Variants in SCN8A observed in about 807,000 individuals in gnomAD.
The protein encoded by SCN8A is sodium channel protein type 8 subunit alpha.
In SCN8A, 30 loss-of-function variants were observed where a neutral mutation model predicts 184.1. The ratio of observed to expected loss-of-function variants is 0.16; its 90% CI spans 0.12 to 0.22. The LOEUF is 0.22. Ranked by LOEUF, SCN8A falls within the 10% of genes least tolerant of loss-of-function variation. SCN8A has a pLI of 1.00. For synonymous variants in SCN8A, 852 were observed against 907.0 expected, an observed-to-expected ratio of 0.94 and a Z score of 1.09; for missense variants, 1,057 against 2,498.9, an observed-to-expected ratio of 0.42 and a Z score of 12.30.
intron 13 of SCN8A, among the ~76,000 whole-genome samples, chr12:51,747,018 TG>T (rs1942521160): frequency 6.6e-6 from 1 of 151,816 alleles, no homozygotes; most frequent in South Asian, 2.1e-4. Flanking sequence ...AAACTCAAAA[TG>T]GTCCCAGTAT....
chr12:51,650,950 A>C (rs1160360956), intron 1 of SCN8A, among the ~76,000 whole-genome samples: 2 of 152,234 alleles, frequency 1.3e-5, no homozygotes, highest in East Asian at 3.8e-4. Flanking sequence ...ATAGATATTA[A>C]ATTAACTAAA....
intron 1 of SCN8A, among the ~76,000 whole-genome samples, chr12:51,651,442 A>T (rs546631138): frequency 6.6e-6 from 1 of 152,170 alleles, no homozygotes; most frequent in East Asian, 1.9e-4. Context: ...TAACCTCGTG[A>T]TCCATCCACC....
At chr12:51,804,720 C>T (rs1249704435) in intron 26 of SCN8A, among the ~76,000 whole-genome samples, 1 of 152,176 alleles carries the variant, frequency 6.6e-6, no homozygotes, top group Non-Finnish European at 1.5e-5. Flanking sequence ...AAGTGATCTG[C>T]CCACTTCAGC....
chr12:51,680,009 A>G (rs1941301964), intron 2 of SCN8A, among the ~76,000 whole-genome samples: 1 of 152,016 alleles, frequency 6.6e-6, no homozygotes, highest in Non-Finnish European at 1.5e-5. Flanking sequence ...TAGGTGGACT[A>G]TCTTGCTTTT....
chr12:51,739,269 A>G (rs1426532621), intron 12 of SCN8A, among the ~76,000 whole-genome samples: 4 of 152,256 alleles, frequency 2.6e-5, no homozygotes, highest in African/African-American at 7.2e-5. Flanking sequence ...GGAACCGCCA[A>G]ACCTCTAAAT....
Position 51,811,295 on chromosome 12 carries a change from A to C in SCN8A, c.*3866A>C, listed in dbSNP as rs1312227315. On this transcript the variant is annotated 3_prime_UTR_variant, in exon 27 of 27. Coordinates refer to ENST00000627620, the MANE Select transcript of SCN8A (RefSeq NM_001330260.2). ...GAAAAGCAAGGTCCTGACCCCCCCC[A>C]GATCCCCACTCACCCATTGCATGTG... 6.6e-6 allele frequency: 1 copy of C among 151,732 alleles called. No individual in the cohort carries two copies. The highest frequency in any genetic ancestry group is 1.9e-4 in the East Asian group (1 of 5,172). 9.4% of individuals were successfully genotyped at this position (151,732 alleles called of 1,614,324 possible). A position where few individuals can be genotyped will look rare whatever the true frequency, so the allele number is the denominator to read the frequency against.
intron 12 of SCN8A, among the ~76,000 whole-genome samples, chr12:51,731,546 C>T (rs549533500): frequency 1.1e-4 from 17 of 152,148 alleles, no homozygotes; most frequent in Non-Finnish European, 2.4e-4. Context: ...CCACCACGCC[C>T]GACTGGATAT....
intron 11 of SCN8A, 105 bp downstream of exon 11, chr12:51,706,820 C>G: frequency 1.3e-6 from 1 of 792,838 alleles, no homozygotes; most frequent in Non-Finnish European, 1.8e-6. Context: ...GTGTACCGTT[C>G]AGTGTTAAGC....
chr12:51,806,464 C>T lies in SCN8A; in HGVS notation c.4978C>T (p.Leu1660=), dbSNP rs1938705333. ...GTTCAACATCGGCCTTCTGCTCTTC[C>T]TGGTCATGTTCATCTTCTCCATTTT... ...ALFNIGLLLF[L]VMFIFSIFGM... Residue 1660 remains leucine (L), a synonymous_variant, in exon 27 of 27, where the codon CTG becomes TTG. Coordinates refer to ENST00000627620, the MANE Select transcript of SCN8A (RefSeq NM_001330260.2). The surrounding 1 kb of genome is among the most constrained non-coding windows in gnomAD (Gnocchi z 8.7). 1 of 1,614,098 alleles carries T rather than the reference C, an allele frequency of 6.2e-7. No homozygotes were observed.
chr12:51,771,969 A>G (rs1448485295), intron 19 of SCN8A, among the ~76,000 whole-genome samples: 1 of 152,248 alleles, frequency 6.6e-6, no homozygotes, highest in African/African-American at 2.4e-5. Flanking sequence ...AAAAGAATAA[A>G]GCAGTAGTGA....
At chr12:51,701,083 C>A in intron 7 of SCN8A, 61 bp from the exon 8 acceptor site, 3 of 1,157,818 alleles carry the variant, frequency 2.6e-6, no homozygotes, top group Non-Finnish European at 3.9e-6. Flanking sequence ...AACAGTGTAA[C>A]CTTATTCTCT....
intron 1 of SCN8A, among the ~76,000 whole-genome samples, chr12:51,634,228 C>T (rs1321179543): frequency 3.3e-5 from 5 of 152,242 alleles, no homozygotes; most frequent in South Asian, 2.1e-4. Flanking sequence ...TATAAAGTTT[C>T]GGAACATGTA....
chr12:51,604,794 A>G (rs1939549262), intron 1 of SCN8A, among the ~76,000 whole-genome samples: 1 of 151,808 alleles, frequency 6.6e-6, no homozygotes, highest in South Asian at 2.1e-4. Context: ...TGGCCTCCCA[A>G]AGTGCTGGGA....
intron 1 of SCN8A, among the ~76,000 whole-genome samples, chr12:51,656,041 A>G (rs1345043713): frequency 2.6e-5 from 4 of 152,218 alleles, no homozygotes; most frequent in Non-Finnish European, 5.9e-5. Flanking sequence ...GGTGGTCTCT[A>G]AGTTCCTTCT....
intron 5 of SCN8A, 130 bp downstream of exon 5, chr12:51,687,349 G>C: frequency 9.9e-7 from 1 of 1,011,392 alleles, no homozygotes; most frequent in Non-Finnish European, 1.5e-6. Context: ...ACCATGTAAG[G>C]CCCTGTGGGC....
intron 1 of SCN8A, among the ~76,000 whole-genome samples, chr12:51,641,578 T>C (rs1940455179): frequency 6.6e-6 from 1 of 152,248 alleles, no homozygotes. Context: ...AAAGTAGTTG[T>C]GAAAGCGTTA....
chr12:51,615,604 G>A (rs1435085019), intron 1 of SCN8A, among the ~76,000 whole-genome samples: 2 of 80,220 alleles, frequency 2.5e-5, no homozygotes, highest in African/African-American at 5.1e-5. Context: ...TCTCTTTACT[G>A]TCTCCCTTTT....
intron 1 of SCN8A, among the ~76,000 whole-genome samples, chr12:51,635,458 G>A (rs1940294364): frequency 9.1e-6 from 1 of 110,046 alleles, no homozygotes; most frequent in Non-Finnish European, 1.9e-5. Context: ...GAAGGCACTG[G>A]TAAATAATTC....
chr12:51,806,001 T>C lies in SCN8A; in HGVS notation c.4796-281T>C, dbSNP rs531453469. 6.6e-6 allele frequency among the ~76,000 whole-genome samples: 1 copy of C among 152,084 alleles called. No homozygotes were observed. The highest frequency in any genetic ancestry group is 2.4e-5 in the African/African-American group (1 of 41,426). On this transcript the variant is annotated intron_variant, in intron 26 of 26. Transcript: ENST00000627620. The surrounding 1 kb of genome is among the most constrained non-coding windows in gnomAD (Gnocchi z 8.7). Reference sequence around the variant, plus strand: ...GCACCACCATGCCCAGCTAATTTTTTATTTTCAGTAGAGACAGGGTTTCAC... The same window carrying C: ...GCACCACCATGCCCAGCTAATTTTTCATTTTCAGTAGAGACAGGGTTTCAC...
Sources: gnomAD v4.1 joint callset for allele counts (sites outside exome capture counted in the v4.1 genomes callset) on GRCh38, gnomAD v4.1.1 for gene constraint, Gnocchi (gnomAD v3.1) non-coding constraint, MANE v1.5 for transcripts, NCBI Gene and HGNC (gene_info 2026-07-23, HGNC 2026-07-21) for gene names.